Variants in CD163 observed in about 807,000 individuals in gnomAD.
The protein encoded by CD163 is CD163 molecule.
Under a neutral mutation model 129.2 loss-of-function variants are expected in CD163, and 64 were observed. The ratio of observed to expected loss-of-function variants is 0.50; its 90% CI spans 0.41 to 0.61. The LOEUF (loss-of-function observed/expected upper bound fraction) is 0.61, where lower values mean the gene tolerates loss of function less well. CD163 is among the 20% of genes least tolerant of loss of function. The pLI is 0.00. For missense variants in CD163, 1,061 were observed against 1,377.9 expected (o/e 0.77, Z 3.64); for synonymous variants, 446 against 478.5 (o/e 0.93, Z 0.89).
At chr12:7,499,855 G>A (rs920229758) in intron 3 of CD163, among the ~76,000 whole-genome samples, 1 of 152,156 alleles carries the variant, frequency 6.6e-6, no homozygotes, top group African/African-American at 2.4e-5. Context: ...ACTGAGCCAT[G>A]AGGATCTTCA....
chr12:7,502,133 T>C (rs1949499402), intron 2 of CD163, among the ~76,000 whole-genome samples: 2 of 152,184 alleles, frequency 1.3e-5, no homozygotes. Flanking sequence ...TTAGATAAAT[T>C]TTGGCATTTG....
At chr12:7,498,730 G>T in intron 4 of CD163, 138 bp downstream of exon 4, 1 of 811,578 alleles carries the variant, frequency 1.2e-6, no homozygotes, top group Admixed American at 2.6e-5. Context: ...ATCAGAACTG[G>T]AACCTGAAGT....
At chr12:7,491,245 A>G (rs947410226) in intron 6 of CD163, among the ~76,000 whole-genome samples, 1 of 152,060 alleles carries the variant, frequency 6.6e-6, no homozygotes, top group Non-Finnish European at 1.5e-5. Context: ...TTGTACTAAC[A>G]TATTTGAGTC....
At chr12:7,502,273 T>G (rs1346396681) in intron 2 of CD163, among the ~76,000 whole-genome samples, 2 of 152,238 alleles carry the variant, frequency 1.3e-5, no homozygotes, top group Non-Finnish European at 2.9e-5. Flanking sequence ...TTCTCTCCTG[T>G]GAGTTTATTT....
Position 7,485,791 on chromosome 12 carries a change from G to A in CD163, c.2459-375C>T, listed in dbSNP as rs1949239802. Among the ~76,000 whole-genome samples the A allele has an allele frequency of 6.6e-6, 1 of 151,976 alleles. No individual in the cohort carries two copies. The highest frequency in any genetic ancestry group is 1.5e-5 in the Non-Finnish European group (1 of 67,996). ...TCAGGCACTAAAATCAATGTTTTGT[G>A]TACATCTCTTAAAATGACAGTTCAT... On this transcript the variant is annotated intron_variant, in intron 10 of 16. Transcript: ENST00000432237. This position sits in a 1 kb window ranked among gnomAD's most constrained non-coding sequence, Gnocchi z 4.5.
chr12:7,487,305 C>A lies in CD163; in HGVS notation c.2050+54G>T. 6.6e-7 allele frequency: 1 copy of A among 1,507,566 alleles called. No individual in the cohort carries two copies. Among genetic ancestry groups the A allele is most frequent in the South Asian group, 1.4e-5 (1 of 73,012 alleles). The allele number at this position is 1,507,566 out of a possible 1,614,324, so 93.4% of individuals were successfully genotyped here. A position where few individuals can be genotyped will look rare whatever the true frequency, so the allele number is the denominator to read the frequency against. ...ACTGCGTTTTACTTTTGTTCTTCAT[C>A]CCTATGTACACCTTCTCTTAAGACC... is the stretch of plus-strand genomic sequence containing the variant. On this transcript the variant is annotated intron_variant, in intron 8 of 16. Coordinates refer to ENST00000432237, the MANE Select transcript of CD163 (RefSeq NM_203416.4). This position sits in a 1 kb window ranked among gnomAD's most constrained non-coding sequence, Gnocchi z 5.1.
chr12:7,472,071 A>G (rs1440399885), intron 16 of CD163: 3 of 152,310 alleles, frequency 2.0e-5, no homozygotes, highest in Non-Finnish European at 2.9e-5. Context: ...GCTTATAGAT[A>G]AAACTCCCAT....
chr12:7,486,413 A>G, intron 10 of CD163, 86 bp downstream of exon 10: 1 of 1,337,256 alleles, frequency 7.5e-7, no homozygotes, highest in East Asian at 2.3e-5. Flanking sequence ...ACTTTTCAGG[A>G]AAATCTTTAA....
At chr12:7,478,097 A>G (rs1325041674) in intron 16 of CD163, among the ~76,000 whole-genome samples, 1 of 152,090 alleles carries the variant, frequency 6.6e-6, no homozygotes, top group African/African-American at 2.4e-5. Flanking sequence ...TACTCCATCA[A>G]TTGGCATTCA....
chr12:7,488,124 G>A (rs780641984), intron 6 of CD163, 37 bp from the exon 7 acceptor site: 286 of 1,518,634 alleles, frequency 1.9e-4, no homozygotes, highest in Non-Finnish European at 2.4e-4. Flanking sequence ...GAGGTAATAT[G>A]ATTTCCAGAT....
At chr12:7,489,578 A>G (rs1173450560) in intron 6 of CD163, among the ~76,000 whole-genome samples, 1 of 152,066 alleles carries the variant, frequency 6.6e-6, no homozygotes, top group Non-Finnish European at 1.5e-5. Context: ...TAGGCATTTG[A>G]TGATGGGTGG....
At chr12:7,498,015 G>C (rs911815883) in intron 4 of CD163, among the ~76,000 whole-genome samples, 1 of 152,116 alleles carries the variant, frequency 6.6e-6, no homozygotes, top group African/African-American at 2.4e-5. Context: ...CATTGTTCAA[G>C]AACCTGAATC....
chr12:7,488,191 T>C, intron 6 of CD163, 104 bp from the exon 7 acceptor site: 1 of 1,210,044 alleles, frequency 8.3e-7, no homozygotes, highest in Non-Finnish European at 1.1e-6. Context: ...GAGACCAGGG[T>C]GCTCAGTGAT....
chr12:7,502,937 C>A (rs778107104), intron 1 of CD163, among the ~76,000 whole-genome samples: 1 of 152,170 alleles, frequency 6.6e-6, no homozygotes, highest in South Asian at 2.1e-4. Flanking sequence ...CCCTAACCAC[C>A]TTGATATTCA....
In CD163 at chr12:7,487,023, A is replaced by G; in HGVS notation, c.2051-37T>C. The G allele has an allele frequency of 6.6e-7, 1 of 1,525,874 alleles. No individual in the cohort carries two copies. Among genetic ancestry groups the G allele is most frequent in the Non-Finnish European group, 9.1e-7 (1 of 1,101,760 alleles). The allele number at this position is 1,525,874 out of a possible 1,614,324, so 94.5% of individuals were successfully genotyped here. A position where few individuals can be genotyped will look rare whatever the true frequency, so the allele number is the denominator to read the frequency against. ...AAGGTACTCAGTCATACAAGACACA[A>G]AAGGTTAGGGGAGTCAGATGAAATG... On this transcript the variant is annotated intron_variant, in intron 8 of 16. Transcript: ENST00000432237. This position sits in a 1 kb window ranked among gnomAD's most constrained non-coding sequence, Gnocchi z 5.1.
At chr12:7,497,821 G>A (rs887706413) in intron 4 of CD163, among the ~76,000 whole-genome samples, 10 of 152,050 alleles carry the variant, frequency 6.6e-5, no homozygotes, top group Admixed American at 6.5e-5. Context: ...AATGTTGATG[G>A]GTAAAAGAGA....
chr12:7,498,790 A>G, intron 4 of CD163, 78 bp downstream of exon 4: 1 of 1,321,672 alleles, frequency 7.6e-7, no homozygotes, highest in South Asian at 1.4e-5. Flanking sequence ...TGTTCTTAAG[A>G]GTTCAGGCTC....
intron 3 of CD163, among the ~76,000 whole-genome samples, chr12:7,499,394 A>C (rs1949447710): frequency 6.6e-6 from 1 of 152,154 alleles, no homozygotes; most frequent in African/African-American, 2.4e-5. Flanking sequence ...CTACTTACAA[A>C]GGAAAATGTT....
rs1288316818 is a variant in CD163 at position 7,501,123 on chromosome 12, C to T, written c.457+16G>A. 9 of 1,608,334 alleles carry T rather than the reference C, an allele frequency of 5.6e-6. No homozygotes were observed. The Admixed American group carries it at 6.7e-5, about 12-fold the overall frequency. ...CAAGGATTTTGTGTTGAGGCTTTGA[C>T]TAATGCAAGTCTTACCTGAGCAGGT... On this transcript the variant is annotated intron_variant, in intron 3 of 16. Transcript: ENST00000432237.
Sources: gnomAD v4.1 joint callset for allele counts (sites outside exome capture counted in the v4.1 genomes callset) on GRCh38, gnomAD v4.1.1 for gene constraint, Gnocchi (gnomAD v3.1) non-coding constraint, MANE v1.5 for transcripts, NCBI Gene and HGNC (gene_info 2026-07-23, HGNC 2026-07-21) for gene names.